NRIP1: variants seen among roughly 807,000 people sequenced by gnomAD.
NRIP1 encodes nuclear receptor interacting protein 1.
NRIP1 carries 28 observed loss-of-function variants against 75.0 expected under a neutral mutation model. That is an observed-to-expected ratio of 0.37 (90% confidence interval 0.28 to 0.51). NRIP1 has a LOEUF of 0.51. Among genes scored for constraint, NRIP1 ranks in the 20% least tolerant of loss-of-function variants. The pLI is 0.92. For synonymous variants in NRIP1, 526 were observed against 487.6 expected (o/e 1.08, Z -1.04); for missense variants, 1,435 against 1,343.7 (o/e 1.07, Z -1.06).
At chr21:15,062,576 A>G (rs1279758824) in intron 1 of NRIP1, among the ~76,000 whole-genome samples, 2 of 152,226 alleles carry the variant, frequency 1.3e-5, no homozygotes, top group African/African-American at 4.8e-5. Context: ...CATAATTTTC[A>G]ATTCTAAAGG....
intron 1 of NRIP1, among the ~76,000 whole-genome samples, chr21:15,053,225 C>T (rs185332923): frequency 6.6e-6 from 1 of 152,022 alleles, no homozygotes. Flanking sequence ...AAAAAGAGAA[C>T]GAGAGTTTAA....
chr21:15,054,964 G>A (rs1446954858), intron 1 of NRIP1, among the ~76,000 whole-genome samples: 2 of 152,182 alleles, frequency 1.3e-5, no homozygotes, highest in East Asian at 1.9e-4. Flanking sequence ...GTCCCATGAG[G>A]GAGAATATTC....
At chr21:14,982,691 T>A (rs1482230418) in intron 3 of NRIP1, among the ~76,000 whole-genome samples, 1 of 144,130 alleles carries the variant, frequency 6.9e-6, no homozygotes, top group African/African-American at 2.6e-5. Context: ...TTTGCCATTA[T>A]TGTGGGGTTT....
rs117392539 is a variant in NRIP1 at position 15,015,822 on chromosome 21, T to C, written c.-457-1356A>G. ...ATTGTTATTTTTTCTTTTTGCTGATTTGCATTTTCTAATTTCTCTACAGTA... is the reference window on the plus strand; with the variant it reads ...ATTGTTATTTTTTCTTTTTGCTGATCTGCATTTTCTAATTTCTCTACAGTA... On this transcript the variant is annotated intron_variant, in intron 2 of 3. Coordinates refer to ENST00000318948, the MANE Select transcript of NRIP1 (RefSeq NM_003489.4). 2.0e-5 allele frequency among the ~76,000 whole-genome samples: 3 copies of C among 152,330 alleles called. No individual in the cohort carries two copies. The East Asian group carries it at 5.8e-4, about 29-fold the overall frequency.
At chr21:14,983,532 AGC>A (rs1568956783) in intron 3 of NRIP1, among the ~76,000 whole-genome samples, 1 of 152,244 alleles carries the variant, frequency 6.6e-6, no homozygotes, top group Non-Finnish European at 1.5e-5. Flanking sequence ...CAGAAGATCC[AGC>A]TGAGTGAGAT....
rs2088177332 is a variant in NRIP1, at chr21:15,014,380, A to C, written c.-371T>G. ...AAGCTCTGAGCCTCTGCTTTCTGAG[A>C]AAGAAAATTGAGAAGGCTGTTGAAA... On this transcript the variant is annotated 5_prime_UTR_variant, in exon 3 of 4. Coordinates refer to ENST00000318948, the MANE Select transcript of NRIP1 (RefSeq NM_003489.4). 7.5e-6 allele frequency: 3 copies of C among 398,224 alleles called. No individual in the cohort carries two copies. In the Admixed American group the frequency reaches 1.3e-4, roughly 18 times the overall value. 24.7% of individuals were successfully genotyped at this position (398,224 alleles called of 1,614,324 possible). A position where few individuals can be genotyped will look rare whatever the true frequency, so the allele number is the denominator to read the frequency against.
At chr21:15,063,744 C>A (rs1978548975) in intron 1 of NRIP1, among the ~76,000 whole-genome samples, 1 of 151,964 alleles carries the variant, frequency 6.6e-6, no homozygotes, top group African/African-American at 2.4e-5. Flanking sequence ...ATCCTTGTGC[C>A]TAAGAACGTC....
Position 14,973,844 on chromosome 21 carries a change from T to TTA in NRIP1, c.-334-5319_-334-5318insTA, listed in dbSNP as rs386394287. ...GGTGTGTGCCACCATGCAGAGCTGA[T>TTA]TTTTTTTTTTTTTTTTTCCTGTGGA... On this transcript the variant is annotated intron_variant, in intron 3 of 3. Coordinates refer to ENST00000318948, the MANE Select transcript of NRIP1 (RefSeq NM_003489.4). 3.8e-4 allele frequency among the ~76,000 whole-genome samples: 6 copies of TTA among 15,626 alleles called. No individual in the cohort carries two copies. The Admixed American group carries it at 4.0e-3, about 10-fold the overall frequency. 10.3% of individuals were successfully genotyped at this position (15,626 alleles called of 152,430 possible).
At position 14,988,147 on chromosome 21, in the gene NRIP1, C is replaced by CACTTTGGTGGATTT. The variant is rs528131779; in HGVS notation, c.-334-19635_-334-19622dup. 8.1e-4 allele frequency: 124 copies of CACTTTGGTGGATTT among 152,212 alleles called. 1 individual carries two copies. The highest frequency in any genetic ancestry group is 2.8e-3 in the African/African-American group (118 of 41,522). 9.4% of individuals were successfully genotyped at this position (152,212 alleles called of 1,614,324 possible). ...CTGACTCTGCTATTCAGTAGTGGGT[C>CACTTTGGTGGATTT]ACTTTGGTGGATTTACTTAACTGTT... On this transcript the variant is annotated intron_variant, in intron 3 of 3. Coordinates refer to ENST00000318948, the MANE Select transcript of NRIP1 (RefSeq NM_003489.4).
At chr21:14,983,780 A>T (rs2087313269) in intron 3 of NRIP1, among the ~76,000 whole-genome samples, 1 of 152,174 alleles carries the variant, frequency 6.6e-6, no homozygotes, top group African/African-American at 2.4e-5. Context: ...ATGACGATAA[A>T]TCTACTCTGC....
At chr21:14,982,810 G>T (rs1226758860) in intron 3 of NRIP1, among the ~76,000 whole-genome samples, 1 of 150,904 alleles carries the variant, frequency 6.6e-6, no homozygotes, top group Non-Finnish European at 1.5e-5. Context: ...CCACTTTGTA[G>T]CTCTATGTCT....
chr21:15,006,215 A>G (rs928307101), intron 3 of NRIP1, among the ~76,000 whole-genome samples: 17 of 152,166 alleles, frequency 1.1e-4, no homozygotes, highest in African/African-American at 4.1e-4. Flanking sequence ...CACAAGTAAA[A>G]CAAGGTAAAG....
chr21:15,043,117 AG>A (rs1249003335), intron 2 of NRIP1, among the ~76,000 whole-genome samples: 1 of 152,230 alleles, frequency 6.6e-6, no homozygotes, highest in Non-Finnish European at 1.5e-5. Flanking sequence ...TGTCACAGGC[AG>A]GAAGACTTTT....
rs547311459 is a variant in NRIP1 at position 15,000,112 on chromosome 21, T to G, written c.-335+14232A>C. Among the ~76,000 whole-genome samples, 3 of 152,300 alleles carry G rather than the reference T, an allele frequency of 2.0e-5. No homozygotes were observed. The South Asian group carries it at 6.2e-4, about 32-fold the overall frequency. Reference sequence around the variant, plus strand: ...ACTCAAAGCACACATTTGGAAGAAGTACACTTTAAGACTCAGTCATTTGAA... The same window carrying G: ...ACTCAAAGCACACATTTGGAAGAAGGACACTTTAAGACTCAGTCATTTGAA... On this transcript the variant is annotated intron_variant, in intron 3 of 3. Coordinates refer to ENST00000318948, the MANE Select transcript of NRIP1 (RefSeq NM_003489.4).
Position 14,968,522 on chromosome 21 carries a change from G to C in NRIP1, c.-330C>G, listed in dbSNP as rs966825712. Reference sequence around the variant, plus strand: ...TGTTCCCCATTAAATGCAAATATCAGTGTTCTAAAAAAAATAAAAATAAGA... The same window carrying C: ...TGTTCCCCATTAAATGCAAATATCACTGTTCTAAAAAAAATAAAAATAAGA... On this transcript the variant is annotated 5_prime_UTR_variant, in exon 4 of 4. Coordinates refer to ENST00000318948, the MANE Select transcript of NRIP1 (RefSeq NM_003489.4). 4.7e-6 allele frequency: 1 copy of C among 212,658 alleles called. No individual in the cohort carries two copies. The highest frequency in any genetic ancestry group is 1.0e-5 in the Non-Finnish European group (1 of 97,088). The allele number at this position is 212,658 out of a possible 1,614,324, so 13.2% of individuals were successfully genotyped here. A position where few individuals can be genotyped will look rare whatever the true frequency, so the allele number is the denominator to read the frequency against.
intron 3 of NRIP1, among the ~76,000 whole-genome samples, chr21:14,991,615 A>G (rs553805964): frequency 1.3e-5 from 2 of 152,274 alleles, no homozygotes; most frequent in East Asian, 3.9e-4. Context: ...TATTACCCAC[A>G]AAAAGGGAGA....
chr21:15,046,929 TA>T (rs1391937106), intron 1 of NRIP1, among the ~76,000 whole-genome samples: 1 of 152,190 alleles, frequency 6.6e-6, no homozygotes, highest in Non-Finnish European at 1.5e-5. Flanking sequence ...TTTGTGGAAT[TA>T]GAGTGAGGCG....
chr21:15,021,486 G>C (rs571915088), intron 2 of NRIP1, among the ~76,000 whole-genome samples: 1 of 152,278 alleles, frequency 6.6e-6, no homozygotes, highest in Non-Finnish European at 1.5e-5. Flanking sequence ...TGTGGTGATG[G>C]CTGCAACATC....
At chr21:14,981,416 G>T (rs2087229509) in intron 3 of NRIP1, among the ~76,000 whole-genome samples, 1 of 152,202 alleles carries the variant, frequency 6.6e-6, no homozygotes, top group African/African-American at 2.4e-5. Flanking sequence ...CTGTTGTCCA[G>T]GTTTAGGGCA....
Sources: allele counts gnomAD v4.1 joint callset (sites outside exome capture counted in the v4.1 genomes callset), GRCh38; gene constraint gnomAD v4.1.1; transcripts MANE v1.5; gene names NCBI Gene and HGNC (gene_info 2026-07-23, HGNC 2026-07-21).